The following ZNF184 variants were observed in gnomAD, a reference collection of about 807,000 sequenced individuals.
ZNF184 encodes zinc finger protein 184.
Under a neutral mutation model 54.4 loss-of-function variants are expected in ZNF184, and 16 were observed. The ratio of observed to expected loss-of-function variants is 0.29; its 90% CI spans 0.20 to 0.45. The LOEUF (loss-of-function observed/expected upper bound fraction) is 0.45. ZNF184 is among the 20% of genes least tolerant of loss of function. ZNF184 has a pLI of 1.00. For missense variants in ZNF184, 681 were observed against 888.2 expected (o/e 0.77, Z 2.97); for synonymous variants, 254 against 295.3 (o/e 0.86, Z 1.43).
the ZNF184 span, among the ~76,000 whole-genome samples, chr6:27,409,364 T>C: frequency 4.9e-3 from 749 of 151,700 alleles, 4 homozygotes; most frequent in African/African-American, 0.017. Context: ...CCGGGCGTGG[T>C]GGCGGGCGCC....
At chr6:27,455,544 C>T (rs1404034131) in intron 5 of ZNF184, among the ~76,000 whole-genome samples, 2 of 150,654 alleles carry the variant, frequency 1.3e-5, no homozygotes, top group African/African-American at 4.9e-5. Flanking sequence ...AGTTCTTCTT[C>T]TTTTTTTTAA....
In ZNF184 at chr6:27,453,132, T is replaced by G; in HGVS notation, c.427A>C (p.Ser143Arg). The change falls in exon 6 of 6, where the codon AGT becomes CGT. Residue 143 changes from serine to arginine, a missense_variant. By Grantham distance (110) the Ser-to-Arg change is moderately radical. Coordinates refer to ENST00000683788, the MANE Select transcript of ZNF184 (RefSeq NM_001318891.2). This position sits in a 1 kb window ranked among gnomAD's most constrained non-coding sequence, Gnocchi z 4.7. ...TCTAAACTGCCTTCATATTCCCAAC[T>G]TTCTAGCAAGTTGGAACTCCAAGAA... ...DDSWSSNLLE[S>R]WEYEGSLERQ... The G allele has an allele frequency of 1.2e-6, 2 of 1,614,120 alleles. No homozygotes were observed. Among genetic ancestry groups the G allele is most frequent in the Non-Finnish European group, 1.7e-6 (2 of 1,179,994 alleles).
downstream of ZNF184, among the ~76,000 whole-genome samples, chr6:27,446,745 C>T (rs570653993): frequency 6.1e-4 from 93 of 152,328 alleles, no homozygotes; most frequent in Middle Eastern, 0.01. Flanking sequence ...ATGACAGCTA[C>T]TGCATGGACT....
chr6:27,424,247 G>A, the ZNF184 span, among the ~76,000 whole-genome samples: 1 of 152,180 alleles, frequency 6.6e-6, no homozygotes, highest in Admixed American at 6.5e-5. Flanking sequence ...GAATAACGCT[G>A]CAGACTTTTG....
At chr6:27,421,679 C>T in the ZNF184 span, among the ~76,000 whole-genome samples, 3 of 152,174 alleles carry the variant, frequency 2.0e-5, no homozygotes, top group African/African-American at 7.2e-5. Flanking sequence ...AACTATATGA[C>T]AACCCAGCTA....
In ZNF184 at chr6:27,451,877, T is replaced by C; in HGVS notation, c.1682A>G (p.His561Arg). 2.5e-6 allele frequency: 4 copies of C among 1,612,602 alleles called. No individual in the cohort carries two copies. The highest frequency in any genetic ancestry group is 3.4e-6 in the Non-Finnish European group (4 of 1,179,998). Residue 561 changes from histidine (H) to arginine (R), a missense_variant, in exon 6 of 6, where the codon CAT (histidine) becomes CGT (arginine). Coordinates refer to ENST00000683788, the MANE Select transcript of ZNF184 (RefSeq NM_001318891.2). ...ATAACTGAAGGTTTTCCCACATTCA[T>C]GACACTGATAGGGTTTCTCTCCAGT... The part of the protein sequence containing the change: ...IHTGEKPYQC[H>R]ECGKTFSYGS...
In ZNF184 at chr6:27,451,484, T is replaced by G; in HGVS notation, c.2075A>C (p.His692Pro). Residue 692 changes from histidine to proline, a missense_variant, in exon 6 of 6, where the codon CAT (histidine) becomes CCT (proline). By Grantham distance (77) the His-to-Pro change is moderately conservative. Coordinates refer to ENST00000683788, the MANE Select transcript of ZNF184 (RefSeq NM_001318891.2). ...STHLTEHQNT[H>P]TGEKPYNCNE... ...ACAGTTATAAGGTTTCTCTCCAGTA[T>G]GAGTATTCTGATGTTCAGTCAGATG... 6.2e-7 allele frequency: 1 copy of G among 1,614,184 alleles called. No individual in the cohort carries two copies. The highest frequency in any genetic ancestry group is 8.5e-7 in the Non-Finnish European group (1 of 1,180,008).
intron 5 of ZNF184, among the ~76,000 whole-genome samples, chr6:27,454,666 G>A (rs570894200): frequency 1.3e-5 from 2 of 152,182 alleles, no homozygotes; most frequent in African/African-American, 4.8e-5. Context: ...ACAGGCCATG[G>A]CCAATGTTAT....
intron 5 of ZNF184, among the ~76,000 whole-genome samples, chr6:27,456,029 G>A (rs1762844520): frequency 2.0e-5 from 3 of 152,152 alleles, no homozygotes; most frequent in Non-Finnish European, 2.9e-5. Context: ...ACGCTGAGGC[G>A]GGTAGATCAC....
At position 27,457,405 on chromosome 6, in the gene ZNF184, G is replaced by A. The variant is rs199663360; in HGVS notation, c.80C>T (p.Ala27Val). ...NLLSSASFQEAVTFKDVIVDF... is the reference protein window; with the variant it reads ...NLLSSASFQEVVTFKDVIVDF... ...CACTATCACATCCTTGAAAGTCACC[G>A]CTTCCTGAAATACCAAACATATTTC... Residue 27 changes from alanine to valine, a missense_variant, in exon 4 of 6, where the codon GCG becomes GTG. Ala to Val is a moderately conservative substitution (Grantham distance 64). Coordinates refer to ENST00000683788, the MANE Select transcript of ZNF184 (RefSeq NM_001318891.2). 353 of 1,613,522 alleles carry A rather than the reference G, an allele frequency of 2.2e-4. 5 individuals are homozygous for A. Among genetic ancestry groups the A allele is most frequent in the South Asian group, 1.9e-3 (171 of 90,998 alleles).
chr6:27,423,899 T>G, the ZNF184 span, among the ~76,000 whole-genome samples: 1 of 151,670 alleles, frequency 6.6e-6, no homozygotes, highest in Non-Finnish European at 1.5e-5. Flanking sequence ...GCAGGCTTTC[T>G]GTTTATTTGG....
At position 27,452,974 on chromosome 6, in the gene ZNF184, T is replaced by C. The variant is rs745593991; in HGVS notation, c.585A>G (p.Thr195=). ...KSVNVSSNLV[T]QEPSPEETST... ...AGGTCTCTTCTGGAGATGGTTCTTG[T>C]GTTACAAGGTTTGAACTCACATTGA... The change falls in exon 6 of 6, where the codon ACA becomes ACG. Residue 195 remains threonine (T), a synonymous_variant. Transcript: ENST00000683788. This position sits in a 1 kb window ranked among gnomAD's most constrained non-coding sequence, Gnocchi z 5.5. 8.1e-6 allele frequency: 13 copies of C among 1,614,210 alleles called. No individual in the cohort carries two copies. The Admixed American group carries it at 2.2e-4, about 27-fold the overall frequency.
the ZNF184 span, among the ~76,000 whole-genome samples, chr6:27,442,249 T>C: frequency 1.3e-5 from 2 of 152,222 alleles, no homozygotes; most frequent in African/African-American, 4.8e-5. Flanking sequence ...AGGATAATTA[T>C]GATGAAAACT....
At chr6:27,420,847 A>G in the ZNF184 span, among the ~76,000 whole-genome samples, 1 of 152,252 alleles carries the variant, frequency 6.6e-6, no homozygotes, top group Non-Finnish European at 1.5e-5. Context: ...AGTAACCAGT[A>G]TTTCCTTCAG....
chr6:27,472,525 T>G lies in ZNF184; in HGVS notation c.-139-92A>C. On this transcript the variant is annotated intron_variant, in intron 1 of 5. Coordinates refer to ENST00000683788, the MANE Select transcript of ZNF184 (RefSeq NM_001318891.2). The surrounding 1 kb of genome is among the most constrained non-coding windows in gnomAD (Gnocchi z 4.8). ...ACCAAGAGGTGCTACACAAGAGAAGTGCCCCAAGAGAGCACTAGAGAGGTG... is the reference window on the plus strand; with the variant it reads ...ACCAAGAGGTGCTACACAAGAGAAGGGCCCCAAGAGAGCACTAGAGAGGTG... The G allele has an allele frequency of 3.6e-6, 2 of 560,388 alleles. No individual in the cohort carries two copies. The highest frequency in any genetic ancestry group is 6.4e-6 in the Non-Finnish European group (2 of 310,100). 34.7% of individuals were successfully genotyped at this position (560,388 alleles called of 1,614,324 possible).
At chr6:27,458,295 T>TAAA (rs55966783) in intron 3 of ZNF184, among the ~76,000 whole-genome samples, 457 of 62,198 alleles carry the variant, frequency 7.3e-3, no homozygotes, top group Middle Eastern at 9.8e-3. Flanking sequence ...TTCTGCACAG[T>TAAA]AAAAAAAAAA....
At chr6:27,422,148 A>AAAAAAAAG in the ZNF184 span, among the ~76,000 whole-genome samples, 5 of 43,468 alleles carry the variant, frequency 1.2e-4, no homozygotes, top group African/African-American at 1.7e-4. Flanking sequence ...CTCAAAAAAA[A>AAAAAAAAG]AAAGAAAGAA....
chr6:27,467,719 G>A lies in ZNF184; in HGVS notation c.75+134C>T, dbSNP rs138957581. 55 of 701,526 alleles carry A rather than the reference G, an allele frequency of 7.8e-5. No individual in the cohort carries two copies. The Middle Eastern group carries it at 1.1e-3, about 14-fold the overall frequency. The allele number at this position is 701,526 out of a possible 1,614,324, so 43.5% of individuals were successfully genotyped here. A position where few individuals can be genotyped will look rare whatever the true frequency, so the allele number is the denominator to read the frequency against. ...GCTGGAGAGGCACAGCTAGGAATGC[G>A]GTTACTAGACAGATGAGAGCCCAGA... On this transcript the variant is annotated intron_variant, in intron 3 of 5. Coordinates refer to ENST00000683788, the MANE Select transcript of ZNF184 (RefSeq NM_001318891.2).
chr6:27,467,673 G>C (rs543206653), intron 3 of ZNF184, among the ~76,000 whole-genome samples, 180 bp downstream of exon 3: 1 of 152,208 alleles, frequency 6.6e-6, no homozygotes, highest in Admixed American at 6.5e-5. Context: ...CAAGTGGTAA[G>C]TGGTGAATGT....
Sources: gnomAD v4.1 joint callset for allele counts (sites outside exome capture counted in the v4.1 genomes callset) on GRCh38, gnomAD v4.1.1 for gene constraint, Gnocchi (gnomAD v3.1) non-coding constraint, MANE v1.5 for transcripts, NCBI Gene and HGNC (gene_info 2026-07-23, HGNC 2026-07-21) for gene names.